SPTBN4: variants seen among roughly 807,000 people sequenced by gnomAD.
SPTBN4 encodes spectrin beta chain, non-erythrocytic 4.
Under a neutral mutation model 277.8 loss-of-function variants are expected in SPTBN4, and 96 were observed. The ratio of observed to expected loss-of-function variants is 0.35; its 90% CI spans 0.29 to 0.41. SPTBN4 has a LOEUF of 0.41. SPTBN4 is among the 10% of genes least tolerant of loss of function. The pLI, the probability that SPTBN4 is intolerant of heterozygous loss-of-function variation, is 1.00. For missense variants in SPTBN4, 3,006 were observed against 3,595.7 expected (o/e 0.84, Z 4.19); for synonymous variants, 1,481 against 1,580.3 (o/e 0.94, Z 1.49).
In SPTBN4 at chr19:40,541,830, C is replaced by T. The variant is rs569017296; in HGVS notation, c.4360-7359C>T. ...CGCGATCTTGGCTCACTGCAATCTC[C>T]GCCTCCCAGGTTCAAGCGATTCCCC... On this transcript the variant is annotated intron_variant, in intron 20 of 35. Transcript: ENST00000598249. 2.6e-4 allele frequency among the ~76,000 whole-genome samples: 40 copies of T among 152,230 alleles called. 1 individual carries two copies. The highest frequency in any genetic ancestry group is 9.4e-4 in the African/African-American group (39 of 41,540).
chr19:40,549,523 C>G (rs938046974), intron 21 of SPTBN4, 110 bp downstream of exon 21: 1 of 797,048 alleles, frequency 1.3e-6, no homozygotes, highest in Non-Finnish European at 1.9e-6. Context: ...CCCACTCATA[C>G]GCTGAAAGAC....
intron 35 of SPTBN4, among the ~76,000 whole-genome samples, chr19:40,574,100 TCAAAACAAAACAAACAAA>T (rs1488441561): frequency 6.7e-6 from 1 of 148,874 alleles, no homozygotes; most frequent in African/African-American, 2.5e-5. Flanking sequence ...AGACTCCATC[TCAAAACAAAACAAACAAA>T]CAAAACAAAA....
chr19:40,529,252 T>A, intron 18 of SPTBN4, 121 bp downstream of exon 18: 1 of 953,466 alleles, frequency 1.0e-6, no homozygotes, highest in Non-Finnish European at 1.6e-6. Context: ...ATGCTCGCTC[T>A]AAGCCGCCAG....
At chr19:40,483,907 G>T (rs1457335362) in intron 2 of SPTBN4, among the ~76,000 whole-genome samples, 2 of 152,154 alleles carry the variant, frequency 1.3e-5, no homozygotes, top group Non-Finnish European at 2.9e-5. Context: ...TTTGCAAAAA[G>T]AGGGATTTGG....
chr19:40,532,749 A>G lies in SPTBN4; in HGVS notation c.4073A>G (p.Glu1358Gly). The change falls in exon 19 of 36, where the codon GAG becomes GGG. Residue 1358 changes from glutamate (E) to glycine (G), a missense_variant. This residue lies in a region of SPTBN4 where 1,759 missense variants were observed against 2,061.5 expected (regional missense o/e 0.85). Transcript: ENST00000598249. ...ATGGCCGAGCTGGCTCAGAATAAGGAGTGGCTGGAGAAGATCGAGCGGGTG... is the reference window on the plus strand; with the variant it reads ...ATGGCCGAGCTGGCTCAGAATAAGGGGTGGCTGGAGAAGATCGAGCGGGTG... ...AFMAELAQNK[E>G]WLEKIEREGQ... 6.2e-7 allele frequency: 1 copy of G among 1,613,122 alleles called. No individual in the cohort carries two copies. The highest frequency in any genetic ancestry group is 8.5e-7 in the Non-Finnish European group (1 of 1,179,462).
chr19:40,550,377 A>G, intron 22 of SPTBN4, 50 bp downstream of exon 22: 2 of 1,566,592 alleles, frequency 1.3e-6, no homozygotes, highest in Non-Finnish European at 1.7e-6. Flanking sequence ...GATACATGTG[A>G]TAGAAACAGC....
chr19:40,480,898 A>G (rs1297772642), intron 2 of SPTBN4, among the ~76,000 whole-genome samples: 1 of 152,084 alleles, frequency 6.6e-6, no homozygotes, highest in Non-Finnish European at 1.5e-5. Flanking sequence ...CCCCATTTCT[A>G]CTAAAAATAC....
At chr19:40,532,595 A>G (rs2080689116) in intron 18 of SPTBN4, 30 bp from the exon 19 acceptor site, 1 of 1,592,546 alleles carries the variant, frequency 6.3e-7, no homozygotes. Flanking sequence ...TGAGGGGACC[A>G]GCTGAGCCCT....
chr19:40,487,886 TG>T, intron 3 of SPTBN4, 38 bp downstream of exon 3: 4 of 1,541,962 alleles, frequency 2.6e-6, no homozygotes, highest in Non-Finnish European at 3.5e-6. Flanking sequence ...GGGTCCTCCC[TG>T]GGGTCTCAGG....
At chr19:40,550,407 A>T in intron 22 of SPTBN4, 80 bp downstream of exon 22, 3 of 1,320,714 alleles carry the variant, frequency 2.3e-6, no homozygotes, top group Non-Finnish European at 3.2e-6. Context: ...TTAAAGCCAA[A>T]ACAATGAATG....
chr19:40,575,502 C>T lies in SPTBN4; in HGVS notation c.7628C>T (p.Ser2543Leu), dbSNP rs760258956. 2 of 1,613,476 alleles carry T rather than the reference C, an allele frequency of 1.2e-6. No individual in the cohort carries two copies. Among genetic ancestry groups the T allele is most frequent in the East Asian group, 2.2e-5 (1 of 44,888 alleles). The change falls in exon 36 of 36, where the codon TCA (serine) becomes TTA (leucine). Residue 2543 changes from serine (S) to leucine (L), a missense_variant. Physicochemically the swap from Ser to Leu is moderately radical, Grantham distance 145. Around this residue, in one of 5 missense-constraint regions of SPTBN4, gnomAD observed 630 missense variants for 677.6 expected, o/e 0.93. Transcript: ENST00000598249. Reference sequence around the variant, plus strand: ...TGGGGCCAGACACTACCCACTACTTCATCCACAGATGAGGGCAACCCTAAG... The same window carrying T: ...TGGGGCCAGACACTACCCACTACTTTATCCACAGATGAGGGCAACCCTAAG... ...ARWGQTLPTT[S>L]STDEGNPKRE...
At chr19:40,477,931 T>A (rs1482895809) in intron 2 of SPTBN4, among the ~76,000 whole-genome samples, 1 of 152,022 alleles carries the variant, frequency 6.6e-6, no homozygotes, top group Non-Finnish European at 1.5e-5. Flanking sequence ...CTCCGCCTCC[T>A]GGGTTCAAGC....
intron 4 of SPTBN4, 46 bp from the exon 5 acceptor site, chr19:40,492,917 C>T: frequency 6.4e-7 from 1 of 1,564,546 alleles, no homozygotes; most frequent in Non-Finnish European, 8.8e-7. Flanking sequence ...GCATTCGAAG[C>T]CTCAAGCTCT....
chr19:40,467,634 G>C (rs929267805), intron 1 of SPTBN4, among the ~76,000 whole-genome samples: 27 of 151,858 alleles, frequency 1.8e-4, no homozygotes, highest in South Asian at 6.2e-4. Flanking sequence ...GGGGGGGGGG[G>C]GGTGTTGGGG....
Position 40,557,404 on chromosome 19 carries a change from G to T in SPTBN4, c.5670+1G>T. ...TGACCTGCAGCTCCTCGTGTCCCAG[G>T]TGGGGCGCCGGTGGCCATCAGGGCA... On this transcript the variant is annotated splice_donor_variant, in intron 26 of 35. Coordinates refer to ENST00000598249, the MANE Select transcript of SPTBN4 (RefSeq NM_020971.3). LOFTEE classifies it high-confidence loss of function. 1 of 1,551,956 alleles carries T rather than the reference G, an allele frequency of 6.4e-7. No homozygotes were observed. Among genetic ancestry groups the T allele is most frequent in the Non-Finnish European group, 8.7e-7 (1 of 1,145,984 alleles).
chr19:40,520,068 C>A lies in SPTBN4; in HGVS notation c.3571C>A (p.Arg1191Ser). Residue 1191 changes from arginine (R) to serine (S), a missense_variant, in exon 16 of 36, where the codon CGC becomes AGC. Physicochemically the swap from Arg to Ser is moderately radical, Grantham distance 110 (BLOSUM62 -1). This residue lies in a region of SPTBN4 where 1,759 missense variants were observed against 2,061.5 expected (regional missense o/e 0.85). Transcript: ENST00000598249. ...TAAACTGCTCGGCTTGTGGGAGGCG[C>A]GCAGGGAGGCGCTGGTCCAGGCGCA... ...WHKLLGLWEA[R>S]REALVQAHIY... 6.6e-7 allele frequency: 1 copy of A among 1,514,982 alleles called. No homozygotes were observed. Among genetic ancestry groups the A allele is most frequent in the South Asian group, 1.3e-5 (1 of 77,188 alleles). The allele number at this position is 1,514,982 out of a possible 1,614,324, so 93.8% of individuals were successfully genotyped here. A position where few individuals can be genotyped will look rare whatever the true frequency, so the allele number is the denominator to read the frequency against.
intron 2 of SPTBN4, among the ~76,000 whole-genome samples, chr19:40,475,624 G>C (rs553203481): frequency 6.6e-6 from 1 of 151,812 alleles, no homozygotes. Flanking sequence ...ACCATGCCTG[G>C]CTAATTTTTG....
Position 40,558,097 on chromosome 19 carries a change from C to T in SPTBN4, c.5670+694C>T, listed in dbSNP as rs140498527. ...AGACAAGGCCAGGTGCGGTGGCTCA[C>T]GCCTGTAATCCCAACACTTTGGGAG... is the stretch of plus-strand genomic sequence containing the variant. On this transcript the variant is annotated intron_variant, in intron 26 of 35. Coordinates refer to ENST00000598249, the MANE Select transcript of SPTBN4 (RefSeq NM_020971.3). Among the ~76,000 whole-genome samples the T allele has an allele frequency of 7.7e-4, 117 of 151,996 alleles. 1 individual carries two copies. In the East Asian group the frequency reaches 0.019, roughly 25 times the overall value.
intron 20 of SPTBN4, among the ~76,000 whole-genome samples, chr19:40,542,470 C>A (rs1401859382): frequency 6.6e-6 from 1 of 152,156 alleles, no homozygotes; most frequent in Non-Finnish European, 1.5e-5. Context: ...AGGGACCTGG[C>A]CAGCTGGTCG....
Sources: gnomAD v4.1 joint callset for allele counts (sites outside exome capture counted in the v4.1 genomes callset) on GRCh38, gnomAD v4.1.1 for gene constraint, gnomAD v4.1.1 regional missense constraint, MANE v1.5 for transcripts, NCBI Gene and HGNC (gene_info 2026-07-23, HGNC 2026-07-21) for gene names.